The following MAPK15 variants were observed in gnomAD, a reference collection of about 807,000 sequenced individuals.
The protein encoded by MAPK15 is mitogen-activated protein kinase 15, also known as ERK-7.
MAPK15 carries 61 observed loss-of-function variants against 60.8 expected under a neutral mutation model. That is an observed-to-expected ratio of 1.00 (90% CI 0.82 to 1.24). MAPK15 has a LOEUF of 1.24. MAPK15 is among the 50% of genes most tolerant of loss of function. The pLI, the probability that MAPK15 is intolerant of heterozygous loss-of-function variation, is 0.00. For synonymous variants in MAPK15, 356 were observed against 319.9 expected, an observed-to-expected ratio of 1.11 and a Z score of -1.21; for missense variants, 808 against 741.1, an observed-to-expected ratio of 1.09 and a Z score of -1.05.
At chr8:143,716,972 G>A (rs1817837117) in intron 1 of MAPK15, among the ~76,000 whole-genome samples, 1 of 152,134 alleles carries the variant, frequency 6.6e-6, no homozygotes, top group Non-Finnish European at 1.5e-5. Flanking sequence ...GTGCCATGGG[G>A]GAGGGGAGGA....
At chr8:143,717,660 G>A (rs782802092) in intron 1 of MAPK15, 34 bp from the exon 2 acceptor site, 2 of 1,545,408 alleles carry the variant, frequency 1.3e-6, no homozygotes, top group East Asian at 4.6e-5. Flanking sequence ...ATGGGGGGAA[G>A]GGGCTGGCCC....
chr8:143,718,356 C>G, intron 4 of MAPK15, 54 bp downstream of exon 4: 1 of 1,532,930 alleles, frequency 6.5e-7, no homozygotes, highest in South Asian at 1.1e-5. Flanking sequence ...GTCCTGACGC[C>G]GTCTGCGGGT....
In MAPK15 at chr8:143,718,044, C is replaced by A. The variant is rs201192106; in HGVS notation, c.166-3C>A. The A allele has an allele frequency of 8.3e-5, 134 of 1,614,144 alleles. 1 individual carries two copies. In the East Asian group the frequency reaches 1.2e-3, roughly 14 times the overall value. On this transcript the variant is annotated splice_region_variant and splice_polypyrimidine_tract_variant and intron_variant, in intron 2 of 13. Coordinates refer to ENST00000338033, the MANE Select transcript of MAPK15 (RefSeq NM_139021.3). ...CCACACACCTGTGTTTCTGTCTCTT[C>A]AGAGAACATTCCGGGAAATCACGCT...
In MAPK15 at chr8:143,719,053, C is replaced by A; in HGVS notation, c.478C>A (p.Arg160Ser). 2 of 1,593,148 alleles carry A rather than the reference C, an allele frequency of 1.3e-6. No individual in the cohort carries two copies. The change falls in exon 6 of 14, where the codon CGC becomes AGC. Residue 160 changes from arginine (R) to serine (S), a missense_variant. Coordinates refer to ENST00000338033, the MANE Select transcript of MAPK15 (RefSeq NM_139021.3). ...TVKLCDFGLA[R>S]SLGDLPEGPE... is the part of the protein sequence containing the mutation. ...GAAGCTGTGTGACTTTGGCCTGGCC[C>A]GCTCCCTGGGCGACCTCCCCGAGGG...
chr8:143,720,973 G>C lies in MAPK15; in HGVS notation c.918-27G>C, dbSNP rs782212355. The C allele has an allele frequency of 5.0e-6, 8 of 1,595,074 alleles. No individual in the cohort carries two copies. In the Admixed American group the frequency reaches 6.8e-5, roughly 14 times the overall value. On this transcript the variant is annotated intron_variant, in intron 9 of 13. Transcript: ENST00000338033. This position sits in a 1 kb window ranked among gnomAD's most constrained non-coding sequence, Gnocchi z 4.6. The stretch of plus-strand genomic sequence containing the variant: ...TGAGGGGCTCCCTTGGCCGCAGCCC[G>C]GGCCCCACCTCCCTGGCTCCCTGCA...
In MAPK15 at chr8:143,721,616, A is replaced by C. The variant is rs1254636486; in HGVS notation, c.1272A>C (p.Leu424=). 6.2e-7 allele frequency: 1 copy of C among 1,612,326 alleles called. No individual in the cohort carries two copies. Among genetic ancestry groups the C allele is most frequent in the Non-Finnish European group, 8.5e-7 (1 of 1,179,158 alleles). The part of the protein sequence containing the change: ...NSAPLLQTAL[L]GNGERPPGAK... The stretch of plus-strand genomic sequence containing the variant: ...CTCCCCTGCTCCAAACTGCTCTCCT[A>C]GGGAATGGGGAAAGGCCCCCTGGGG... The change falls in exon 12 of 14, where the codon CTA becomes CTC. Residue 424 remains leucine (L), a synonymous_variant. Transcript: ENST00000338033.
chr8:143,720,294 G>A lies in MAPK15; in HGVS notation c.779+7G>A, dbSNP rs782717931. ...TGCACCAGCTGGGGTCCCGGTGAGT[G>A]GGGGCACTTCGGTGAGGGTGACAGG... On this transcript the variant is annotated splice_region_variant and intron_variant, in intron 8 of 13. Transcript: ENST00000338033. The surrounding 1 kb of genome is among the most constrained non-coding windows in gnomAD (Gnocchi z 4.6). 23 of 1,583,544 alleles carry A rather than the reference G, an allele frequency of 1.5e-5. No homozygotes were observed. Among genetic ancestry groups the A allele is most frequent in the Non-Finnish European group, 2.0e-5 (23 of 1,164,098 alleles).
chr8:143,719,184 C>T (rs1554619212), intron 6 of MAPK15, 28 bp downstream of exon 6: 2 of 1,424,278 alleles, frequency 1.4e-6, no homozygotes, highest in East Asian at 2.5e-5. Context: ...CCAACCCCCC[C>T]TCCACCTCCC....
chr8:143,718,976 C>T lies in MAPK15; in HGVS notation c.418-17C>T. ...CCCCACCCAGCCCCGGGGCCTCAGC[C>T]TGCCTCCTCTCTGCAGCCGTCCAAT... On this transcript the variant is annotated splice_polypyrimidine_tract_variant and intron_variant, in intron 5 of 13. Transcript: ENST00000338033. The T allele has an allele frequency of 6.2e-7, 1 of 1,603,054 alleles. No homozygotes were observed. The highest frequency in any genetic ancestry group is 8.5e-7 in the Non-Finnish European group (1 of 1,174,430).
intron 13 of MAPK15, 44 bp from the exon 14 acceptor site, chr8:143,722,031 A>T (rs1818101133): frequency 6.4e-7 from 1 of 1,569,102 alleles, no homozygotes. Flanking sequence ...CCTCCACTGC[A>T]CCCCCTCTGA....
chr8:143,718,331 C>A (rs1224430581), intron 4 of MAPK15, 29 bp downstream of exon 4: 4 of 1,600,424 alleles, frequency 2.5e-6, no homozygotes, highest in Non-Finnish European at 2.6e-6. Flanking sequence ...AGCGCCCCAG[C>A]CCCACCTCTG....
intron 4 of MAPK15, 27 bp from the exon 5 acceptor site, chr8:143,718,748 C>CCCCCCCCCCCAG: frequency 6.6e-7 from 1 of 1,510,596 alleles, no homozygotes; most frequent in Non-Finnish European, 8.9e-7. Context: ...CCCCCACCCC[C>CCCCCCCCCCCAG]GACTGCAGTG....
At chr8:143,716,523 C>T (rs1554618391) in intron 1 of MAPK15, 80 bp downstream of exon 1, 3 of 1,325,540 alleles carry the variant, frequency 2.3e-6, no homozygotes, top group Non-Finnish European at 1.0e-6. Flanking sequence ...GCGGCCGGTC[C>T]CCTCGGAGGC....
Position 143,718,257 on chromosome 8 carries a change from C to T in MAPK15, c.241C>T (p.Arg81Trp), listed in dbSNP as rs202055248. Residue 81 changes from arginine (R) to tryptophan (W), a missense_variant, in exon 4 of 14, where the codon CGG becomes TGG. By Grantham distance (101) the Arg-to-Trp change is moderately radical. Transcript: ENST00000338033. ...PNIISLLDVI[R>W]AENDRDIYLV... Reference sequence around the variant, plus strand: ...CATCATCAGCCTCCTTGACGTGATCCGGGCAGAGAACGACAGGGACATTTA... The same window carrying T: ...CATCATCAGCCTCCTTGACGTGATCTGGGCAGAGAACGACAGGGACATTTA... The T allele has an allele frequency of 5.4e-5, 87 of 1,614,178 alleles. No homozygotes were observed. The highest frequency in any genetic ancestry group is 6.4e-5 in the Non-Finnish European group (75 of 1,180,024).
intron 13 of MAPK15, 91 bp from the exon 14 acceptor site, chr8:143,721,984 T>C (rs1563753040): frequency 2.1e-6 from 3 of 1,422,278 alleles, no homozygotes; most frequent in South Asian, 2.5e-5. Flanking sequence ...GCCCCTCCAA[T>C]GTCCAGTTCA....
rs1818001221 is a variant in MAPK15 at position 143,720,452 on chromosome 8, G to T, written c.779+165G>T. On this transcript the variant is annotated intron_variant, in intron 8 of 13. Coordinates refer to ENST00000338033, the MANE Select transcript of MAPK15 (RefSeq NM_139021.3). This position sits in a 1 kb window ranked among gnomAD's most constrained non-coding sequence, Gnocchi z 4.6. ...ACTGTTGGCCACACTGAAAGCAGGA[G>T]CCCCTCTGGTGCTCCTAGAGGGTGG... The T allele has an allele frequency of 6.9e-7, 1 of 1,447,778 alleles. No individual in the cohort carries two copies. The allele number at this position is 1,447,778 out of a possible 1,614,324, so 89.7% of individuals were successfully genotyped here. A position where few individuals can be genotyped will look rare whatever the true frequency, so the allele number is the denominator to read the frequency against.
In MAPK15 at chr8:143,720,231, C is replaced by A. The variant is rs528920791; in HGVS notation, c.723C>A (p.Asp241Glu). 8.2e-6 allele frequency: 13 copies of A among 1,575,838 alleles called. No homozygotes were observed. The African/African-American group carries it at 1.8e-4, about 21-fold the overall frequency. The stretch of plus-strand genomic sequence containing the variant: ...TCACACCACCTTCTGCTGCCCCAGA[C>A]CTCCTGGCTCTCGGCTCAGGCTGCC... ...LETIPPPSEE[D>E]LLALGSGCRA... is the part of the protein sequence containing the mutation. The change falls in exon 8 of 14, where the codon GAC becomes GAA. Residue 241 changes from aspartate to glutamate, a missense_variant and splice_region_variant. By Grantham distance (45) the Asp-to-Glu change is conservative. Coordinates refer to ENST00000338033, the MANE Select transcript of MAPK15 (RefSeq NM_139021.3). The surrounding 1 kb of genome is among the most constrained non-coding windows in gnomAD (Gnocchi z 4.6).
chr8:143,721,741 G>GC lies in MAPK15; in HGVS notation c.1330-8dup, dbSNP rs1818080827. ...CACCTTTCAGTGACCCTGTGACATG[G>GC]CCCTTCCCAGGTGAAGCCAAGCGGG... On this transcript the variant is annotated splice_polypyrimidine_tract_variant and intron_variant, in intron 12 of 13. Transcript: ENST00000338033. 1.2e-6 allele frequency: 2 copies of GC among 1,613,570 alleles called. No individual in the cohort carries two copies. The highest frequency in any genetic ancestry group is 1.7e-6 in the Non-Finnish European group (2 of 1,179,872).
At position 143,721,678 on chromosome 8, in the gene MAPK15, G is replaced by C. The variant is rs1275833721; in HGVS notation, c.1329+5G>C. 6.2e-7 allele frequency: 1 copy of C among 1,609,928 alleles called. No individual in the cohort carries two copies. The highest frequency in any genetic ancestry group is 1.1e-5 in the South Asian group (1 of 90,684). ...CCCCCCTTGACACTCTCGCTGGTAAGTCATGGTGGGGCGGGCACAGGAGGG... is the reference window on the plus strand; with the variant it reads ...CCCCCCTTGACACTCTCGCTGGTAACTCATGGTGGGGCGGGCACAGGAGGG... On this transcript the variant is annotated splice_donor_5th_base_variant and intron_variant, in intron 12 of 13. Coordinates refer to ENST00000338033, the MANE Select transcript of MAPK15 (RefSeq NM_139021.3).
Sources: allele counts gnomAD v4.1 joint callset (sites outside exome capture counted in the v4.1 genomes callset), GRCh38; gene constraint gnomAD v4.1.1; non-coding constraint Gnocchi (gnomAD v3.1); transcripts MANE v1.5; gene names NCBI Gene and HGNC (gene_info 2026-07-23, HGNC 2026-07-21).